Variants in KIAA1958 observed in about 807,000 individuals in gnomAD.
The protein encoded by KIAA1958 is uncharacterized protein KIAA1958.
A neutral mutation model predicts 47.2 loss-of-function variants in KIAA1958; 14 were observed. The observed-to-expected ratio is 0.30, with a 90% CI of 0.20 to 0.46. The LOEUF is 0.46. Ranked by LOEUF, KIAA1958 falls within the 20% of genes least tolerant of loss-of-function variation. KIAA1958 has a pLI of 1.00. For synonymous variants in KIAA1958, 354 were observed against 353.3 expected, an observed-to-expected ratio of 1.00 and a Z score of -0.02; for missense variants, 803 against 909.2, an observed-to-expected ratio of 0.88 and a Z score of 1.50.
At chr9:112,573,951 G>GTT (rs543727490) in intron 1 of KIAA1958, 106 bp from the exon 2 acceptor site, 95 of 536,088 alleles carry the variant, frequency 1.8e-4, no homozygotes, top group African/African-American at 2.7e-4. Context: ...TTTGAAGTGC[G>GTT]TTTTTTTTTT....
At chr9:112,595,650 C>G (rs1836009423) in intron 2 of KIAA1958, among the ~76,000 whole-genome samples, 1 of 138,700 alleles carries the variant, frequency 7.2e-6, no homozygotes, top group Non-Finnish European at 1.5e-5. Flanking sequence ...TGGCATCCAA[C>G]CTGGGCGACA....
At chr9:112,649,238 G>T (rs1035284129) in intron 3 of KIAA1958, among the ~76,000 whole-genome samples, 1 of 151,972 alleles carries the variant, frequency 6.6e-6, no homozygotes, top group Non-Finnish European at 1.5e-5. Flanking sequence ...GTTCACTGCA[G>T]CCTCAATCTC....
chr9:112,597,599 T>A (rs1836054012), intron 2 of KIAA1958, among the ~76,000 whole-genome samples: 2 of 152,154 alleles, frequency 1.3e-5, no homozygotes, highest in African/African-American at 2.4e-5. Context: ...TGCCAAAACT[T>A]CTCCTCCTGC....
intron 1 of KIAA1958, among the ~76,000 whole-genome samples, chr9:112,535,626 G>A (rs146200455): frequency 8.8e-4 from 134 of 152,114 alleles, no homozygotes; most frequent in Non-Finnish European, 1.7e-3. Context: ...TCATATGGGA[G>A]TTCTATTTTT....
chr9:112,626,058 GT>G (rs1391997170), intron 2 of KIAA1958, among the ~76,000 whole-genome samples: 2 of 152,112 alleles, frequency 1.3e-5, no homozygotes, highest in Admixed American at 6.6e-5. Context: ...CGTATTTAAA[GT>G]TTTGGGACAT....
intron 1 of KIAA1958, among the ~76,000 whole-genome samples, chr9:112,497,429 G>A (rs1273584673): frequency 6.6e-6 from 1 of 152,138 alleles, no homozygotes; most frequent in Non-Finnish European, 1.5e-5. Flanking sequence ...GCAAGGAGGA[G>A]GCCATCTGCA....
chr9:112,607,063 A>G (rs1486905047), intron 2 of KIAA1958, among the ~76,000 whole-genome samples: 1 of 152,210 alleles, frequency 6.6e-6, no homozygotes, highest in Admixed American at 6.5e-5. Context: ...ATATGGCGTC[A>G]AGAGACATGG....
intron 1 of KIAA1958, among the ~76,000 whole-genome samples, chr9:112,490,961 G>A (rs1225177790): frequency 6.6e-6 from 1 of 152,188 alleles, no homozygotes; most frequent in African/African-American, 2.4e-5. Flanking sequence ...CAACTTTGAT[G>A]TGAGATATAA....
At chr9:112,645,391 A>G (rs1836958622) in intron 2 of KIAA1958, among the ~76,000 whole-genome samples, 1 of 152,216 alleles carries the variant, frequency 6.6e-6, no homozygotes, top group Non-Finnish European at 1.5e-5. Flanking sequence ...GAATGCCTGC[A>G]TTAGTACATA....
intron 2 of KIAA1958, among the ~76,000 whole-genome samples, chr9:112,595,743 A>C (rs1836014250): frequency 1.3e-5 from 2 of 152,018 alleles, no homozygotes; most frequent in South Asian, 2.1e-4. Context: ...TAGCACTTAT[A>C]CATAGTGTAA....
At chr9:112,612,992 G>T (rs1047395151) in intron 2 of KIAA1958, among the ~76,000 whole-genome samples, 3 of 152,180 alleles carry the variant, frequency 2.0e-5, no homozygotes, top group Non-Finnish European at 2.9e-5. Flanking sequence ...ATACATAGTG[G>T]TAAGAAGCAG....
At chr9:112,550,897 A>G (rs1195399332) in intron 1 of KIAA1958, among the ~76,000 whole-genome samples, 1 of 152,198 alleles carries the variant, frequency 6.6e-6, no homozygotes, top group Admixed American at 6.5e-5. Context: ...GCTACCAGCA[A>G]AATACTCTTA....
At position 112,585,452 on chromosome 9, in the gene KIAA1958, G is replaced by C. The variant is rs545606957; in HGVS notation, c.1171+10201G>C. Among the ~76,000 whole-genome samples, 34 of 152,374 alleles carry C rather than the reference G, an allele frequency of 2.2e-4. 1 individual carries two copies. Among genetic ancestry groups the C allele is most frequent in the South Asian group, 8.3e-4 (4 of 4,832 alleles). Reference sequence around the variant, plus strand: ...AGAATATATCTCAATGGAGCCAGGAGAGTTGCTGCTGGAAAGATGGGCTGG... The same window carrying C: ...AGAATATATCTCAATGGAGCCAGGACAGTTGCTGCTGGAAAGATGGGCTGG... On this transcript the variant is annotated intron_variant, in intron 2 of 3. Coordinates refer to ENST00000337530, the MANE Select transcript of KIAA1958 (RefSeq NM_133465.4).
At position 112,666,222 on chromosome 9, in the gene KIAA1958, G is replaced by A. The variant is rs1040864684; in HGVS notation, c.*6153G>A. 1.3e-5 allele frequency: 2 copies of A among 151,958 alleles called. No individual in the cohort carries two copies. The highest frequency in any genetic ancestry group is 4.8e-5 in the African/African-American group (2 of 41,378). 9.4% of individuals were successfully genotyped at this position (151,958 alleles called of 1,614,324 possible). On this transcript the variant is annotated 3_prime_UTR_variant, in exon 4 of 4. Transcript: ENST00000337530. ...CCGACCTCAGTGATCCACCTGCCTC[G>A]GCCTCCCAAAGTGGAAAAATATACT...
At chr9:112,487,396 C>T (rs1833878205) in intron 1 of KIAA1958, among the ~76,000 whole-genome samples, 1 of 151,794 alleles carries the variant, frequency 6.6e-6, no homozygotes, top group Non-Finnish European at 1.5e-5. Flanking sequence ...TGCCCCGGGC[C>T]GCCCCGCCGC....
At chr9:112,596,723 AAG>A (rs561582452) in intron 2 of KIAA1958, among the ~76,000 whole-genome samples, 16 of 152,202 alleles carry the variant, frequency 1.1e-4, no homozygotes, top group Non-Finnish European at 2.2e-4. Context: ...CCTAACTCAG[AAG>A]AGAAGCAGGT....
chr9:112,612,467 T>C (rs1355388405), intron 2 of KIAA1958, among the ~76,000 whole-genome samples: 1 of 152,046 alleles, frequency 6.6e-6, no homozygotes, highest in Non-Finnish European at 1.5e-5. Context: ...CTTAAATATA[T>C]CCAGAGTTCC....
chr9:112,660,116 C>A lies in KIAA1958; in HGVS notation c.*47C>A. On this transcript the variant is annotated 3_prime_UTR_variant, in exon 4 of 4. Coordinates refer to ENST00000337530, the MANE Select transcript of KIAA1958 (RefSeq NM_133465.4). ...CTGCCCTGTCACCTGCTCGGGCCAG[C>A]CAGGGTTGGAGCAGCTGGAGCTCCT... 1 of 1,546,904 alleles carries A rather than the reference C, an allele frequency of 6.5e-7. No individual in the cohort carries two copies. Among genetic ancestry groups the A allele is most frequent in the Non-Finnish European group, 8.8e-7 (1 of 1,133,418 alleles).
At position 112,486,979 on chromosome 9, in the gene KIAA1958, CT is replaced by C. The variant is rs1564144930; in HGVS notation, c.-161del. The C allele has an allele frequency of 5.6e-6, 1 of 180,016 alleles. No individual in the cohort carries two copies. The highest frequency in any genetic ancestry group is 9.9e-5 in the South Asian group (1 of 10,104). The allele number at this position is 180,016 out of a possible 1,614,324, so 11.2% of individuals were successfully genotyped here. Reference sequence around the variant, plus strand: ...CGGGCGCCTTCCCCGCTCCACTTACCTTTGGTGCCCGGCCCTCTGGCCGCTC... The same window carrying C: ...CGGGCGCCTTCCCCGCTCCACTTACCTTGGTGCCCGGCCCTCTGGCCGCTC... On this transcript the variant is annotated 5_prime_UTR_variant, in exon 1 of 4. Coordinates refer to ENST00000337530, the MANE Select transcript of KIAA1958 (RefSeq NM_133465.4).
Sources: allele counts gnomAD v4.1 joint callset (sites outside exome capture counted in the v4.1 genomes callset), GRCh38; gene constraint gnomAD v4.1.1; transcripts MANE v1.5; gene names NCBI Gene and HGNC (gene_info 2026-07-23, HGNC 2026-07-21).